Variants in TBX21 observed in about 807,000 individuals in gnomAD.
TBX21 encodes T-box transcription factor TBX21.
A neutral mutation model predicts 52.2 loss-of-function variants in TBX21; 11 were observed. The observed-to-expected ratio is 0.21, with a 90% CI of 0.13 to 0.35. TBX21 has a LOEUF of 0.35. Ranked by LOEUF, TBX21 falls within the 10% of genes least tolerant of loss-of-function variation. The pLI is 1.00. For missense variants in TBX21, 625 were observed against 755.1 expected, an observed-to-expected ratio of 0.83 and a Z score of 2.02; for synonymous variants, 300 against 316.1, an observed-to-expected ratio of 0.95 and a Z score of 0.54.
rs55690005 is a variant in TBX21, at chr17:47,734,554, GGTGTGTGTGTGTGTGTGTGTGTGT to G, written c.491+642_491+665del. 1.8e-3 allele frequency among the ~76,000 whole-genome samples: 187 copies of G among 102,990 alleles called. 3 individuals are homozygous for G. The East Asian group carries it at 0.021, about 11-fold the overall frequency. 67.6% of individuals were successfully genotyped at this position (102,990 alleles called of 152,430 possible). The stretch of plus-strand genomic sequence containing the variant: ...GGTCTTACTTTGAGATCATATGTCT[GGTGTGTGTGTGTGTGTGTGTGTGT>G]GTGTGTGTGTGTGTGTGTGTGTGTG... On this transcript the variant is annotated intron_variant, in intron 1 of 5. Coordinates refer to ENST00000177694, the MANE Select transcript of TBX21 (RefSeq NM_013351.2).
rs2032288992 is a variant in TBX21 at position 47,743,322 on chromosome 17, G to A, written c.768+130G>A. On this transcript the variant is annotated intron_variant, in intron 3 of 5. Transcript: ENST00000177694. ...TTCCTTCCTACAGGAAGGAAGGTTC[G>A]TTTTTCTTCTGTCCTAAACGAAGGG... 18 of 1,296,180 alleles carry A rather than the reference G, an allele frequency of 1.4e-5. No homozygotes were observed. In the Middle Eastern group the frequency reaches 8.0e-4, roughly 57 times the overall value. The allele number at this position is 1,296,180 out of a possible 1,614,324, so 80.3% of individuals were successfully genotyped here.
At chr17:47,741,184 T>C (rs2158079) in intron 1 of TBX21, among the ~76,000 whole-genome samples, 16,068 of 151,898 alleles carry the variant, frequency 0.11, 1,184 homozygotes, top group East Asian at 0.24. Flanking sequence ...GTGGTTGTGA[T>C]GGTGAAGGTG....
chr17:47,744,925 C>T lies in TBX21; in HGVS notation c.1167C>T (p.Ala389=), dbSNP rs2032311906. The change falls in exon 6 of 6, where the codon GCC becomes GCT. Residue 389 remains alanine, a synonymous_variant. Coordinates refer to ENST00000177694, the MANE Select transcript of TBX21 (RefSeq NM_013351.2). ...DVVPQAYWLG[A]PRDHSYEAEF... ...TTCCCCAGGCTTACTGGCTGGGGGC[C>T]CCCCGGGACCACAGCTATGAGGCTG... 3 of 1,614,140 alleles carry T rather than the reference C, an allele frequency of 1.9e-6. No homozygotes were observed. The highest frequency in any genetic ancestry group is 2.5e-6 in the Non-Finnish European group (3 of 1,180,020).
intron 1 of TBX21, among the ~76,000 whole-genome samples, chr17:47,741,390 T>C (rs1430300869): frequency 1.3e-5 from 2 of 152,178 alleles, no homozygotes; most frequent in Non-Finnish European, 2.9e-5. Flanking sequence ...ATGGTGATGG[T>C]AGAAGAGTGC....
Position 47,733,320 on chromosome 17 carries a change from G to C in TBX21, c.-135G>C. The C allele has an allele frequency of 4.1e-6, 5 of 1,228,410 alleles. No individual in the cohort carries two copies. The highest frequency in any genetic ancestry group is 4.2e-6 in the Non-Finnish European group (4 of 952,020). The allele number at this position is 1,228,410 out of a possible 1,614,324, so 76.1% of individuals were successfully genotyped here. Reference sequence around the variant, plus strand: ...GCGTAGAAGCCAGGCGTCAGAGCCCGGGCTCCGGTGGGGTCCCCCACCCGG... The same window carrying C: ...GCGTAGAAGCCAGGCGTCAGAGCCCCGGCTCCGGTGGGGTCCCCCACCCGG... On this transcript the variant is annotated 5_prime_UTR_variant, in exon 1 of 6. Coordinates refer to ENST00000177694, the MANE Select transcript of TBX21 (RefSeq NM_013351.2). This position sits in a 1 kb window ranked among gnomAD's most constrained non-coding sequence, Gnocchi z 6.6.
rs1445658265 is a variant in TBX21 at position 47,744,182 on chromosome 17, G to C, written c.769-13G>C. On this transcript the variant is annotated splice_polypyrimidine_tract_variant and intron_variant, in intron 3 of 5. Coordinates refer to ENST00000177694, the MANE Select transcript of TBX21 (RefSeq NM_013351.2). ...TCCTCCCCACCCCTACAACCGTCTT[G>C]CTCTGTCTACAGATGATTGTGCTCC... 4.3e-6 allele frequency: 7 copies of C among 1,613,538 alleles called. No homozygotes were observed. Among genetic ancestry groups the C allele is most frequent in the Non-Finnish European group, 5.9e-6 (7 of 1,179,606 alleles).
chr17:47,743,795 G>A (rs1027745994), intron 3 of TBX21, among the ~76,000 whole-genome samples: 10 of 149,628 alleles, frequency 6.7e-5, no homozygotes, highest in African/African-American at 2.5e-4. Flanking sequence ...CAGGAGAATC[G>A]CTTGAACCCG....
intron 3 of TBX21, 34 bp downstream of exon 3, chr17:47,743,226 T>C: frequency 1.2e-6 from 2 of 1,610,796 alleles, no homozygotes; most frequent in Non-Finnish European, 1.7e-6. Context: ...AGCCTCGCCC[T>C]GCTCCCCACC....
At chr17:47,735,230 C>T (rs1168532900) in intron 1 of TBX21, among the ~76,000 whole-genome samples, 1 of 152,132 alleles carries the variant, frequency 6.6e-6, no homozygotes, top group African/African-American at 2.4e-5. Context: ...GAACATTCTT[C>T]CCTCCAGATG....
intron 3 of TBX21, 146 bp from the exon 4 acceptor site, chr17:47,744,049 G>T: frequency 9.7e-7 from 1 of 1,031,558 alleles, no homozygotes. Flanking sequence ...AAGCTTGGGG[G>T]AAGTTACATG....
chr17:47,740,357 T>C (rs66490177), intron 1 of TBX21, among the ~76,000 whole-genome samples: 23,430 of 152,124 alleles, frequency 0.15, 1,945 homozygotes, highest in South Asian at 0.19. Flanking sequence ...TGTGAGCCAC[T>C]GTGCTGGGCC....
rs747201938 is a variant in TBX21 at position 47,733,541 on chromosome 17, C to G, written c.87C>G (p.Ala29=). Reference sequence around the variant, plus strand: ...GCGACGAGGGCCGGGCGCCTGGCGCCGACCCGCAGCACCGCTACTTCTACC... The same window carrying G: ...GCGACGAGGGCCGGGCGCCTGGCGCGGACCCGCAGCACCGCTACTTCTACC... ...PGSDEGRAPG[A]DPQHRYFYPE... Residue 29 remains alanine, a synonymous_variant, in exon 1 of 6, where the codon GCC becomes GCG. Coordinates refer to ENST00000177694, the MANE Select transcript of TBX21 (RefSeq NM_013351.2). The surrounding 1 kb of genome is among the most constrained non-coding windows in gnomAD (Gnocchi z 6.6). 6.7e-7 allele frequency: 1 copy of G among 1,491,028 alleles called. No individual in the cohort carries two copies. The highest frequency in any genetic ancestry group is 1.3e-5 in the South Asian group (1 of 79,288). The allele number at this position is 1,491,028 out of a possible 1,614,324, so 92.4% of individuals were successfully genotyped here. A position where few individuals can be genotyped will look rare whatever the true frequency, so the allele number is the denominator to read the frequency against.
In TBX21 at chr17:47,733,607, C is replaced by A; in HGVS notation, c.153C>A (p.Gly51=). 6.9e-7 allele frequency: 1 copy of A among 1,451,190 alleles called. No homozygotes were observed. The highest frequency in any genetic ancestry group is 1.4e-5 in the South Asian group (1 of 73,040). 89.9% of individuals were successfully genotyped at this position (1,451,190 alleles called of 1,614,324 possible). Residue 51 remains glycine, a synonymous_variant, in exon 1 of 6, where the codon GGC becomes GGA. Coordinates refer to ENST00000177694, the MANE Select transcript of TBX21 (RefSeq NM_013351.2). The surrounding 1 kb of genome is among the most constrained non-coding windows in gnomAD (Gnocchi z 6.6). ...AGGACGCGGACGAGCGTCGCGGGGG[C>A]GGCAGCCTGGGGTCTCCCTACCCGG... ...GAQDADERRG[G]GSLGSPYPGG...
chr17:47,741,670 T>G (rs2032268087), intron 1 of TBX21, among the ~76,000 whole-genome samples: 2 of 151,946 alleles, frequency 1.3e-5, no homozygotes, highest in Non-Finnish European at 2.9e-5. Context: ...GGGAGTGTGT[T>G]AGCACTGTGA....
chr17:47,735,022 C>T (rs2032192691), intron 1 of TBX21, among the ~76,000 whole-genome samples: 1 of 152,062 alleles, frequency 6.6e-6, no homozygotes. Flanking sequence ...GCTGTGCGCA[C>T]CCACCCTTCC....
At chr17:47,738,853 G>A (rs763424066) in intron 1 of TBX21, among the ~76,000 whole-genome samples, 17 of 151,912 alleles carry the variant, frequency 1.1e-4, no homozygotes, top group Admixed American at 3.9e-4. Flanking sequence ...CACCTGCCTC[G>A]GCCTCCCAAA....
Position 47,740,128 on chromosome 17 carries a change from C to T in TBX21, c.492-2482C>T, listed in dbSNP as rs551454423. Among the ~76,000 whole-genome samples the T allele has an allele frequency of 3.3e-5, 5 of 152,092 alleles. No individual in the cohort carries two copies. In the East Asian group the frequency reaches 9.8e-4, roughly 30 times the overall value. On this transcript the variant is annotated intron_variant, in intron 1 of 5. Transcript: ENST00000177694. ...TTGCCCAGGCTGGAGTGCAGTGGCG[C>T]CATCTCGGGTCACCGCAACCTTCGC...
Position 47,733,968 on chromosome 17 carries a change from TG to T in TBX21, c.491+27del. 2 of 1,612,572 alleles carry T rather than the reference TG, an allele frequency of 1.2e-6. No individual in the cohort carries two copies. The highest frequency in any genetic ancestry group is 1.7e-6 in the Non-Finnish European group (2 of 1,179,402). On this transcript the variant is annotated intron_variant, in intron 1 of 5. Transcript: ENST00000177694. This position sits in a 1 kb window ranked among gnomAD's most constrained non-coding sequence, Gnocchi z 6.6. The stretch of plus-strand genomic sequence containing the variant: ...ACGGTGAGTGCGGCGCGCCGGCCCT[TG>T]GGGCCTCTGTGCCCGCGCCGGAACA...
chr17:47,735,239 T>C (rs960687952), intron 1 of TBX21, among the ~76,000 whole-genome samples: 53 of 152,268 alleles, frequency 3.5e-4, no homozygotes, highest in African/African-American at 1.3e-3. Flanking sequence ...TCCCTCCAGA[T>C]GATTTTTGTG....
Sources: gnomAD v4.1 joint callset for allele counts (sites outside exome capture counted in the v4.1 genomes callset) on GRCh38, gnomAD v4.1.1 for gene constraint, Gnocchi (gnomAD v3.1) non-coding constraint, MANE v1.5 for transcripts, NCBI Gene and HGNC (gene_info 2026-07-23, HGNC 2026-07-21) for gene names.